Variants in PDZD2 observed in about 807,000 individuals in gnomAD.
The protein encoded by PDZD2 is PDZ domain-containing protein 2.
PDZD2 carries 90 observed loss-of-function variants against 220.7 expected under a neutral mutation model. That is an observed-to-expected ratio of 0.41 (90% CI 0.34 to 0.49). PDZD2 has a LOEUF of 0.49. Among genes scored for constraint, PDZD2 ranks in the 20% least tolerant of loss-of-function variants. PDZD2 has a pLI of 0.28. For synonymous variants in PDZD2, 1,375 were observed against 1,450.5 expected, an observed-to-expected ratio of 0.95 and a Z score of 1.18; for missense variants, 3,174 against 3,608.5, an observed-to-expected ratio of 0.88 and a Z score of 3.08.
intron 2 of PDZD2, among the ~76,000 whole-genome samples, chr5:31,966,361 C>T (rs1195297193): frequency 1.3e-5 from 2 of 152,144 alleles, no homozygotes; most frequent in East Asian, 3.9e-4. Context: ...ATAAACATAC[C>T]ATTAAAAGCA....
intron 13 of PDZD2, among the ~76,000 whole-genome samples, chr5:32,059,872 G>A (rs2112338818): frequency 6.6e-6 from 1 of 152,294 alleles, no homozygotes; most frequent in African/African-American, 2.4e-5. Flanking sequence ...TGAAGTCACT[G>A]AGTGTCTGAT....
chr5:31,718,195 G>C (rs1360515018), intron 1 of PDZD2, among the ~76,000 whole-genome samples: 1 of 152,242 alleles, frequency 6.6e-6, no homozygotes, highest in African/African-American at 2.4e-5. Context: ...GGGTTGGTGA[G>C]TTGGGAATCT....
chr5:32,040,058 C>T (rs140420074), intron 7 of PDZD2, among the ~76,000 whole-genome samples: 45,086 of 104,700 alleles, frequency 0.43, 12,744 homozygotes, highest in Non-Finnish European at 0.51. Context: ...TCTGCCCGGC[C>T]GCCCCATCTG....
At chr5:31,989,412 T>G (rs1369788638) in intron 3 of PDZD2, among the ~76,000 whole-genome samples, 1 of 145,790 alleles carries the variant, frequency 6.9e-6, no homozygotes, top group African/African-American at 2.6e-5. Flanking sequence ...ATATACCACA[T>G]TTTCTTTTCT....
At chr5:31,695,100 G>A (rs1747325212) in intron 1 of PDZD2, among the ~76,000 whole-genome samples, 1 of 151,958 alleles carries the variant, frequency 6.6e-6, no homozygotes, top group African/African-American at 2.4e-5. Context: ...CTCCAGCCTG[G>A]GTGACAGAGC....
intron 2 of PDZD2, among the ~76,000 whole-genome samples, chr5:31,839,183 C>A (rs1757123583): frequency 6.6e-6 from 1 of 152,294 alleles, no homozygotes; most frequent in East Asian, 1.9e-4. Context: ...CAGAGGTCAT[C>A]TTTGAAGACA....
Position 32,089,462 on chromosome 5 carries a change from T to C in PDZD2, c.6014T>C (p.Val2005Ala). Residue 2005 changes from valine to alanine, a missense_variant, in exon 20 of 25, where the codon GTC becomes GCC. Transcript: ENST00000438447. ...ATGTGGAGCAGGTTCCACATGGCTG[T>C]CCTCTCTGAACCCGACAGAGGTTGC... ...QGMWSRFHMA[V>A]LSEPDRGCPT... is the part of the protein sequence containing the mutation. 2 of 1,613,844 alleles carry C rather than the reference T, an allele frequency of 1.2e-6. No homozygotes were observed. The highest frequency in any genetic ancestry group is 1.7e-6 in the Non-Finnish European group (2 of 1,180,026).
At chr5:31,941,174 T>G (rs1255068371) in intron 2 of PDZD2, among the ~76,000 whole-genome samples, 1 of 152,184 alleles carries the variant, frequency 6.6e-6, no homozygotes, top group Non-Finnish European at 1.5e-5. Context: ...TTTCTGACCC[T>G]TTGGCAAAAG....
intron 1 of PDZD2, among the ~76,000 whole-genome samples, chr5:31,687,980 T>G (rs189835591): frequency 1.1e-3 from 170 of 152,292 alleles, no homozygotes; most frequent in African/African-American, 3.8e-3. Context: ...ATATTTAACC[T>G]TGGAACACAA....
Position 32,098,052 on chromosome 5 carries a change from G to A in PDZD2, c.7948-312G>A, listed in dbSNP as rs1743891226. Among the ~76,000 whole-genome samples the A allele has an allele frequency of 6.6e-6, 1 of 152,152 alleles. No individual in the cohort carries two copies. The highest frequency in any genetic ancestry group is 1.5e-5 in the Non-Finnish European group (1 of 68,022). On this transcript the variant is annotated intron_variant, in intron 22 of 24. Transcript: ENST00000438447. This position sits in a 1 kb window ranked among gnomAD's most constrained non-coding sequence, Gnocchi z 4.1. Reference sequence around the variant, plus strand: ...GTGGATCACCTGAGGTCAGGAGTTTGAGACCAGCATGGCCAACATGGTGAA... The same window carrying A: ...GTGGATCACCTGAGGTCAGGAGTTTAAGACCAGCATGGCCAACATGGTGAA...
Position 32,090,554 on chromosome 5 carries a change from T to A in PDZD2, c.7106T>A (p.Ile2369Asn). 1 of 1,613,778 alleles carries A rather than the reference T, an allele frequency of 6.2e-7. No homozygotes were observed. Among genetic ancestry groups the A allele is most frequent in the Non-Finnish European group, 8.5e-7 (1 of 1,179,896 alleles). Residue 2369 changes from isoleucine to asparagine, a missense_variant, in exon 20 of 25, where the codon ATT (isoleucine) becomes AAT (asparagine). Physicochemically the swap from Ile to Asn is moderately radical, Grantham distance 149. This residue lies in a region of PDZD2 where 631 missense variants were observed against 789.9 expected (regional missense o/e 0.80). Coordinates refer to ENST00000438447, the MANE Select transcript of PDZD2 (RefSeq NM_178140.4). The surrounding 1 kb of genome is among the most constrained non-coding windows in gnomAD (Gnocchi z 4.3). Reference sequence around the variant, plus strand: ...TTGTCGGTGAGCTCCAAGCCTCCCATTGGGAGGCGGTCTTCCGGCAGCATT... The same window carrying A: ...TTGTCGGTGAGCTCCAAGCCTCCCAATGGGAGGCGGTCTTCCGGCAGCATT... ...PFLSVSSKPP[I>N]GRRSSGSIVS...
At chr5:31,860,962 A>C (rs1258783094) in intron 2 of PDZD2, among the ~76,000 whole-genome samples, 1 of 152,198 alleles carries the variant, frequency 6.6e-6, no homozygotes, top group Non-Finnish European at 1.5e-5. Flanking sequence ...TAGCCCATTC[A>C]GGTCACATAT....
chr5:31,715,981 G>A (rs1183049525), intron 1 of PDZD2, among the ~76,000 whole-genome samples: 1 of 152,188 alleles, frequency 6.6e-6, no homozygotes, highest in Non-Finnish European at 1.5e-5. Flanking sequence ...GCTCTACAGG[G>A]TATATGGAGA....
chr5:31,729,099 C>CTTTTTTTTTTTTTTT (rs10650811), intron 1 of PDZD2, among the ~76,000 whole-genome samples: 1 of 123,652 alleles, frequency 8.1e-6, no homozygotes, highest in Non-Finnish European at 1.6e-5. Flanking sequence ...TGATCGAAAT[C>CTTTTTTTTTTTTTTT]TTTTTTTTTT....
intron 1 of PDZD2, among the ~76,000 whole-genome samples, chr5:31,653,468 T>C (rs1043570919): frequency 6.6e-6 from 1 of 152,148 alleles, no homozygotes; most frequent in Non-Finnish European, 1.5e-5. Flanking sequence ...AAGATCCCCA[T>C]AGTCTGAAAT....
At chr5:31,676,645 C>T (rs543324451) in intron 1 of PDZD2, among the ~76,000 whole-genome samples, 3 of 151,436 alleles carry the variant, frequency 2.0e-5, no homozygotes, top group Admixed American at 6.6e-5. Context: ...CCTCCGCCTC[C>T]TGGGTCCAAG....
chr5:31,999,833 G>A (rs1751958417), intron 4 of PDZD2, among the ~76,000 whole-genome samples: 2 of 152,314 alleles, frequency 1.3e-5, no homozygotes, highest in Non-Finnish European at 2.9e-5. Context: ...AAACCTTGGG[G>A]TCTTGGTTCC....
chr5:31,867,817 G>A (rs1347764860), intron 2 of PDZD2, among the ~76,000 whole-genome samples: 1 of 137,158 alleles, frequency 7.3e-6, no homozygotes, highest in Non-Finnish European at 1.5e-5. Flanking sequence ...CCAGAGTCCT[G>A]ATAAATCCCT....
At chr5:32,048,916 G>A (rs1738242529) in intron 8 of PDZD2, among the ~76,000 whole-genome samples, 2 of 152,158 alleles carry the variant, frequency 1.3e-5, no homozygotes. Context: ...TTCCTACTGT[G>A]TGTTTTGGAA....
Sources: gnomAD v4.1 joint callset for allele counts (sites outside exome capture counted in the v4.1 genomes callset) on GRCh38, gnomAD v4.1.1 for gene constraint, gnomAD v4.1.1 regional missense constraint, Gnocchi (gnomAD v3.1) non-coding constraint, MANE v1.5 for transcripts, NCBI Gene and HGNC (gene_info 2026-07-23, HGNC 2026-07-21) for gene names.